MAP4K4: variants seen among roughly 807,000 people sequenced by gnomAD.
The protein encoded by MAP4K4 is mitogen-activated protein kinase kinase kinase kinase 4, also known as HPK/GCK-like kinase HGK.
A neutral mutation model predicts 189.6 loss-of-function variants in MAP4K4; 38 were observed. That is an observed-to-expected ratio of 0.20 (90% CI 0.15 to 0.26). The LOEUF is 0.26. Among genes scored for constraint, MAP4K4 ranks in the 10% least tolerant of loss-of-function variants. The pLI is 1.00. For synonymous variants in MAP4K4, 610 were observed against 624.3 expected (o/e 0.98, Z 0.34); for missense variants, 1,054 against 1,726.9 (o/e 0.61, Z 6.91).
At position 101,841,125 on chromosome 2, in the gene MAP4K4, A is replaced by G. The variant is rs150576587; in HGVS notation, c.949+1131A>G. On this transcript the variant is annotated intron_variant, in intron 10 of 32. Transcript: ENST00000324219. ...CCTTGGATCATCTCATGTTTTCCTC[A>G]TCACCCACATTTTGCAGATGGAAAC... 1.3e-3 allele frequency among the ~76,000 whole-genome samples: 200 copies of G among 152,282 alleles called. 1 individual carries two copies. Among genetic ancestry groups the G allele is most frequent in the African/African-American group, 4.7e-3 (196 of 41,568 alleles).
At chr2:101,707,925 T>C (rs1288333026) in intron 2 of MAP4K4, among the ~76,000 whole-genome samples, 1 of 151,276 alleles carries the variant, frequency 6.6e-6, no homozygotes, top group Non-Finnish European at 1.5e-5. Context: ...TAGTCTCTTA[T>C]CTCCTGACCT....
At position 101,790,692 on chromosome 2, in the gene MAP4K4, T is replaced by C. The variant is rs1446987662; in HGVS notation, c.124-28T>C. The C allele has an allele frequency of 2.5e-6, 4 of 1,577,388 alleles. No homozygotes were observed. In the East Asian group the frequency reaches 9.0e-5, roughly 36 times the overall value. On this transcript the variant is annotated intron_variant, in intron 2 of 32. Coordinates refer to ENST00000324219, the Ensembl canonical transcript of MAP4K4. ...GATTGTGCAAAAAAATTGGTGCTGA[T>C]TTTTGATCTATTTTTTCTGTTTTTC...
At chr2:101,836,690 T>A (rs1330396756) in intron 9 of MAP4K4, among the ~76,000 whole-genome samples, 1 of 152,212 alleles carries the variant, frequency 6.6e-6, no homozygotes, top group Non-Finnish European at 1.5e-5. Flanking sequence ...ATTATTATTT[T>A]AAAAATTGAA....
chr2:101,879,849 T>A (rs1409988813), intron 27 of MAP4K4, among the ~76,000 whole-genome samples: 3 of 149,022 alleles, frequency 2.0e-5, no homozygotes, highest in South Asian at 2.1e-4. Flanking sequence ...TTTTTTTTTT[T>A]AAGTAGACTT....
At chr2:101,767,540 C>A (rs1376287593) in intron 2 of MAP4K4, among the ~76,000 whole-genome samples, 1 of 152,166 alleles carries the variant, frequency 6.6e-6, no homozygotes, top group Non-Finnish European at 1.5e-5. Context: ...GCACTGTGAT[C>A]TATTTATCTC....
chr2:101,855,842 A>G, intron 12 of MAP4K4, 135 bp from the exon 13 acceptor site: 1 of 738,778 alleles, frequency 1.4e-6, no homozygotes, highest in South Asian at 2.2e-5. Context: ...GTGTGGAAAT[A>G]ATTGGCCAGT....
intron 3 of MAP4K4, among the ~76,000 whole-genome samples, chr2:101,799,497 C>G (rs967803933): frequency 6.6e-6 from 1 of 152,166 alleles, no homozygotes; most frequent in African/African-American, 2.4e-5. Flanking sequence ...TCTTCAGCCC[C>G]TCTGTGGTTA....
At chr2:101,725,856 T>C (rs963862153) in intron 2 of MAP4K4, among the ~76,000 whole-genome samples, 2 of 152,262 alleles carry the variant, frequency 1.3e-5, no homozygotes, top group African/African-American at 4.8e-5. Context: ...GGGCAGGCTC[T>C]GTAGTTGATG....
At chr2:101,839,052 G>GGT (rs1471477022) in intron 9 of MAP4K4, among the ~76,000 whole-genome samples, 6 of 152,124 alleles carry the variant, frequency 3.9e-5, no homozygotes, top group Non-Finnish European at 5.9e-5. Context: ...CCTAAATTGG[G>GGT]GACACATAGG....
chr2:101,825,518 C>CTT (rs746137218), intron 5 of MAP4K4, 89 bp downstream of exon 5: 14 of 739,454 alleles, frequency 1.9e-5, no homozygotes, highest in African/African-American at 3.6e-5. Context: ...CTTTGCATTA[C>CTT]TTATATCTAT....
chr2:101,763,053 C>T (rs1421055501), intron 2 of MAP4K4, among the ~76,000 whole-genome samples: 5 of 152,196 alleles, frequency 3.3e-5, no homozygotes, highest in Non-Finnish European at 5.9e-5. Flanking sequence ...TCTGCAGCCC[C>T]AGATGCAGGG....
chr2:101,750,498 T>G (rs1231961164), intron 2 of MAP4K4, among the ~76,000 whole-genome samples: 15 of 101,836 alleles, frequency 1.5e-4, no homozygotes, highest in Non-Finnish European at 2.5e-4. Flanking sequence ...TATCACACTC[T>G]GGGGACTGTG....
At chr2:101,888,025 C>A (rs754657230) in intron 31 of MAP4K4, 88 bp downstream of exon 31, 31 of 1,238,868 alleles carry the variant, frequency 2.5e-5, no homozygotes, top group Non-Finnish European at 3.2e-5. Context: ...TTTGTATGTC[C>A]TTCAGACCTT....
chr2:101,725,241 A>G (rs989035357), intron 2 of MAP4K4, among the ~76,000 whole-genome samples: 2 of 152,206 alleles, frequency 1.3e-5, no homozygotes, highest in African/African-American at 4.8e-5. Flanking sequence ...GCTCAGTACA[A>G]GGAAGAGGTG....
chr2:101,704,734 A>C, intron 2 of MAP4K4, among the ~76,000 whole-genome samples: 1 of 150,812 alleles, frequency 6.6e-6, no homozygotes, highest in Non-Finnish European at 1.5e-5. Flanking sequence ...TAATTTTTGT[A>C]TTTTTAGTAG....
In MAP4K4 at chr2:101,867,352, A is replaced by G. The variant is rs375954767; in HGVS notation, c.2454+43A>G. On this transcript the variant is annotated intron_variant, in intron 20 of 32. Transcript: ENST00000324219. ...TCAGTTTTACTTATTTCAGACTTGA[A>G]TGAGATCTTTCTATTAAAAATATGT... 1.1e-5 allele frequency: 16 copies of G among 1,421,356 alleles called. No homozygotes were observed. In the African/African-American group the frequency reaches 1.4e-4, roughly 13 times the overall value. The allele number at this position is 1,421,356 out of a possible 1,614,324, so 88.0% of individuals were successfully genotyped here.
exon 5 of MAP4K4, chr2:101,825,319 C>T (rs1390113038): frequency 6.2e-7 from 1 of 1,602,814 alleles, no homozygotes. Flanking sequence ...TGCCCTATAG[C>T]TTGTTATGGA....
intron 2 of MAP4K4, among the ~76,000 whole-genome samples, chr2:101,775,657 T>C (rs1380268642): frequency 6.6e-6 from 1 of 152,164 alleles, no homozygotes; most frequent in African/African-American, 2.4e-5. Flanking sequence ...GTTTTATTTT[T>C]CCTCGGAAAA....
At chr2:101,860,983 A>G in exon 16 of MAP4K4, 1 of 1,591,688 alleles carries the variant, frequency 6.3e-7, no homozygotes, top group Non-Finnish European at 8.6e-7. Flanking sequence ...CAGCGGAGCC[A>G]CAGGTAGCGA....
Sources: allele counts gnomAD v4.1 joint callset (sites outside exome capture counted in the v4.1 genomes callset), GRCh38; gene constraint gnomAD v4.1.1; transcripts MANE v1.5; gene names NCBI Gene and HGNC (gene_info 2026-07-23, HGNC 2026-07-21).